The following ARID3B variants were observed in gnomAD, a reference collection of about 807,000 sequenced individuals.
The protein encoded by ARID3B is AT-rich interactive domain-containing protein 3B.
Under a neutral mutation model 51.9 loss-of-function variants are expected in ARID3B, and 10 were observed. The ratio of observed to expected loss-of-function variants is 0.19; its 90% CI spans 0.12 to 0.33. ARID3B has a LOEUF of 0.33. Ranked by LOEUF, ARID3B falls within the 10% of genes least tolerant of loss-of-function variation. The pLI, the probability that ARID3B is intolerant of heterozygous loss-of-function variation, is 1.00. For missense variants in ARID3B, 483 were observed against 716.3 expected (o/e 0.67, Z 3.72); for synonymous variants, 205 against 279.5 (o/e 0.73, Z 2.66).
intron 4 of ARID3B, among the ~76,000 whole-genome samples, chr15:74,580,919 G>A (rs902986817): frequency 2.0e-5 from 3 of 152,226 alleles, no homozygotes; most frequent in East Asian, 1.9e-4. Flanking sequence ...TGCAAGATGG[G>A]TCTTCATCTC....
chr15:74,548,910 A>G (rs1201628461), intron 2 of ARID3B, among the ~76,000 whole-genome samples: 1 of 152,044 alleles, frequency 6.6e-6, no homozygotes, highest in African/African-American at 2.4e-5. Flanking sequence ...CCTATTCTTA[A>G]CCATGAGCAA....
rs79174197 is a variant in ARID3B at position 74,586,393 on chromosome 15, A to G, written c.698-3427A>G. Among the ~76,000 whole-genome samples, 427 of 152,372 alleles carry G rather than the reference A, an allele frequency of 2.8e-3. 1 individual carries two copies. The highest frequency in any genetic ancestry group is 0.01 in the African/African-American group (418 of 41,584). The stretch of plus-strand genomic sequence containing the variant: ...GGCCCTAAGCAGTTCTCAGTCTAAT[A>G]TAATACAGTCACGTTGTGTGTGACT... On this transcript the variant is annotated intron_variant, in intron 4 of 8. Transcript: ENST00000346246.
chr15:74,544,219 G>A lies in ARID3B; in HGVS notation c.283G>A (p.Asp95Asn), dbSNP rs770399084. The A allele has an allele frequency of 2.5e-6, 4 of 1,614,096 alleles. No individual in the cohort carries two copies. Among genetic ancestry groups the A allele is most frequent in the Non-Finnish European group, 3.4e-6 (4 of 1,179,922 alleles). The change falls in exon 2 of 9, where the codon GAC becomes AAC. Residue 95 changes from aspartate (D) to asparagine (N), a missense_variant. Coordinates refer to ENST00000346246, the MANE Select transcript of ARID3B (RefSeq NM_006465.4). ...GNMNSEPEEEDGGLEDEDGDD... is the reference protein window; with the variant it reads ...GNMNSEPEEENGGLEDEDGDD... The stretch of plus-strand genomic sequence containing the variant: ...CATGAACTCAGAGCCTGAGGAAGAG[G>A]ACGGAGGTTTGGAAGATGAGGATGG...
rs1567129757 is a variant in ARID3B, at chr15:74,598,120, C to G, written c.*2346C>G. On this transcript the variant is annotated 3_prime_UTR_variant, in exon 9 of 9. Coordinates refer to ENST00000346246, the MANE Select transcript of ARID3B (RefSeq NM_006465.4). ...TGTTTATATTTCAATAAACCTCTACCTCTTCACACAAGCAGGTCTCTCTCA... is the reference window on the plus strand; with the variant it reads ...TGTTTATATTTCAATAAACCTCTACGTCTTCACACAAGCAGGTCTCTCTCA... The G allele has an allele frequency of 8.5e-6, 4 of 471,686 alleles. No homozygotes were observed. The highest frequency in any genetic ancestry group is 3.5e-5 in the South Asian group (2 of 57,344). The allele number at this position is 471,686 out of a possible 1,614,324, so 29.2% of individuals were successfully genotyped here.
intron 2 of ARID3B, among the ~76,000 whole-genome samples, chr15:74,550,084 A>G (rs2061630921): frequency 6.6e-6 from 1 of 152,024 alleles, no homozygotes; most frequent in South Asian, 2.1e-4. Flanking sequence ...GCAGCCTTGA[A>G]TTTTCTTGAC....
chr15:74,588,599 T>C (rs2061790248), intron 4 of ARID3B, among the ~76,000 whole-genome samples: 1 of 152,128 alleles, frequency 6.6e-6, no homozygotes, highest in Non-Finnish European at 1.5e-5. Flanking sequence ...GACCCTTCCC[T>C]GTGGAATTCT....
At chr15:74,575,866 C>T (rs542277338) in intron 4 of ARID3B, among the ~76,000 whole-genome samples, 1 of 152,032 alleles carries the variant, frequency 6.6e-6, no homozygotes, top group Non-Finnish European at 1.5e-5. Context: ...ATGGGTAGTC[C>T]TTGTTGTGGA....
At chr15:74,575,756 T>C (rs908405676) in intron 4 of ARID3B, among the ~76,000 whole-genome samples, 1 of 152,214 alleles carries the variant, frequency 6.6e-6, no homozygotes, top group Non-Finnish European at 1.5e-5. Flanking sequence ...CGTCAGGTAT[T>C]TCACTGTTTG....
chr15:74,565,061 T>C (rs935558010), intron 2 of ARID3B, among the ~76,000 whole-genome samples: 1 of 151,984 alleles, frequency 6.6e-6, no homozygotes. Context: ...TTTTATTTTT[T>C]TGAAATAGGG....
chr15:74,591,127 C>T lies in ARID3B; in HGVS notation c.882-24C>T. ...CTCTGGTGCTGTTTTGGATTATTCT[C>T]CCTGCTTGCTTCCTTTCCTCCAGGT... On this transcript the variant is annotated intron_variant, in intron 5 of 8. Coordinates refer to ENST00000346246, the MANE Select transcript of ARID3B (RefSeq NM_006465.4). The surrounding 1 kb of genome is among the most constrained non-coding windows in gnomAD (Gnocchi z 5.8). 1 of 1,569,364 alleles carries T rather than the reference C, an allele frequency of 6.4e-7. No individual in the cohort carries two copies.
intron 2 of ARID3B, among the ~76,000 whole-genome samples, chr15:74,569,312 T>G (rs1168221950): frequency 1.3e-5 from 2 of 152,146 alleles, no homozygotes; most frequent in Non-Finnish European, 2.9e-5. Context: ...TCTCTGTCTT[T>G]TAGCAGATAT....
intron 4 of ARID3B, among the ~76,000 whole-genome samples, chr15:74,579,643 C>T (rs908914130): frequency 1.3e-5 from 2 of 152,160 alleles, no homozygotes; most frequent in South Asian, 2.1e-4. Flanking sequence ...CAGGAATCTC[C>T]GAGACCAAAT....
intron 2 of ARID3B, among the ~76,000 whole-genome samples, chr15:74,565,210 AATTTTTTT>A (rs1412474817): frequency 1.3e-5 from 2 of 151,634 alleles, no homozygotes; most frequent in African/African-American, 4.9e-5. Context: ...ATGCCCAGCT[AATTTTTTT>A]ATTTTTTTAA....
At chr15:74,571,302 G>C (rs776244386) in intron 2 of ARID3B, among the ~76,000 whole-genome samples, 1 of 152,232 alleles carries the variant, frequency 6.6e-6, no homozygotes, top group Admixed American at 6.5e-5. Context: ...CATGGTTTTA[G>C]AAGAAGATTC....
chr15:74,552,056 C>CTTTTTTTTTTT (rs869096001), intron 2 of ARID3B, among the ~76,000 whole-genome samples: 5 of 102,630 alleles, frequency 4.9e-5, no homozygotes, highest in African/African-American at 2.0e-4. Context: ...TCTTTCTTTC[C>CTTTTTTTTTTT]TTTTTTTTTT....
chr15:74,580,444 A>G (rs886426126), intron 4 of ARID3B, among the ~76,000 whole-genome samples: 1 of 152,216 alleles, frequency 6.6e-6, no homozygotes, highest in Non-Finnish European at 1.5e-5. Context: ...GAGGTGAAAC[A>G]GAAGTGTGGT....
rs1354447133 is a variant in ARID3B at position 74,598,056 on chromosome 15, T to C, written c.*2282T>C. 4 of 527,134 alleles carry C rather than the reference T, an allele frequency of 7.6e-6. No individual in the cohort carries two copies. Among genetic ancestry groups the C allele is most frequent in the Non-Finnish European group, 1.5e-5 (4 of 270,338 alleles). 32.7% of individuals were successfully genotyped at this position (527,134 alleles called of 1,614,324 possible). ...CAGATGTCCTCCTGCAGCAAGTGTC[T>C]ATATGTTGTGGTTATTTTCTATCTT... On this transcript the variant is annotated 3_prime_UTR_variant, in exon 9 of 9. Transcript: ENST00000346246.
At chr15:74,549,564 TAAAAA>T (rs372965973) in intron 2 of ARID3B, among the ~76,000 whole-genome samples, 1 of 122,510 alleles carries the variant, frequency 8.2e-6, no homozygotes. Context: ...TGAGATGGTG[TAAAAA>T]AAAAAAAAAA....
chr15:74,579,212 C>A (rs2061750044), intron 4 of ARID3B, among the ~76,000 whole-genome samples: 1 of 152,238 alleles, frequency 6.6e-6, no homozygotes, highest in African/African-American at 2.4e-5. Flanking sequence ...TTGACTGCAA[C>A]AGATGGGCCT....
Sources: gnomAD v4.1 joint callset for allele counts (sites outside exome capture counted in the v4.1 genomes callset) on GRCh38, gnomAD v4.1.1 for gene constraint, Gnocchi (gnomAD v3.1) non-coding constraint, MANE v1.5 for transcripts, NCBI Gene and HGNC (gene_info 2026-07-23, HGNC 2026-07-21) for gene names.